The following CHRDL1 variants were observed in gnomAD, a reference collection of about 807,000 sequenced individuals.
CHRDL1 encodes chordin-like protein 1.
A neutral mutation model predicts 40.9 loss-of-function variants in CHRDL1; 19 were observed. That is an observed-to-expected ratio of 0.46 (90% confidence interval 0.32 to 0.68). The LOEUF (loss-of-function observed/expected upper bound fraction) is 0.68, where lower values mean the gene tolerates loss of function less well. CHRDL1 is among the 30% of genes least tolerant of loss of function. CHRDL1 has a pLI of 0.03. For missense variants in CHRDL1, 329 were observed against 352.1 expected (o/e 0.93, Z 0.53); for synonymous variants, 136 against 123.4 (o/e 1.10, Z -0.68).
intron 2 of CHRDL1, among the ~76,000 whole-genome samples, chrX:110,773,723 CAAAA>C (rs1171179610): frequency 3.4e-4 from 12 of 35,365 alleles, no homozygotes; most frequent in African/African-American, 1.1e-3. Context: ...GAGACTGCCT[CAAAA>C]AAAAAAAAAA....
chrX:110,702,907 T>C (rs977640860), intron 6 of CHRDL1, among the ~76,000 whole-genome samples: 4 of 112,355 alleles, frequency 3.6e-5, no homozygotes, highest in Non-Finnish European at 7.5e-5. Flanking sequence ...GCTGGGCACA[T>C]AGTACTTATT....
At chrX:110,793,651 T>G (rs2090137779) in intron 1 of CHRDL1, among the ~76,000 whole-genome samples, 1 of 112,257 alleles carries the variant, frequency 8.9e-6, no homozygotes, top group South Asian at 3.7e-4. Context: ...CTGAGCCTAT[T>G]CTAATAAGTT....
At chrX:110,683,420 C>T (rs2069943352) in intron 9 of CHRDL1, among the ~76,000 whole-genome samples, 1 of 111,858 alleles carries the variant, frequency 8.9e-6, no homozygotes, top group Non-Finnish European at 1.9e-5. Context: ...TTTCCACAGC[C>T]CAAGAGAATG....
chrX:110,752,429 C>T (rs946031996), intron 4 of CHRDL1, among the ~76,000 whole-genome samples: 1 of 111,393 alleles, frequency 9.0e-6, no homozygotes, highest in Admixed American at 9.5e-5. Flanking sequence ...CAAGGACCAA[C>T]AGTATGAGAA....
chrX:110,705,096 C>T (rs968487501), intron 6 of CHRDL1, among the ~76,000 whole-genome samples: 1 of 108,475 alleles, frequency 9.2e-6, no homozygotes, highest in Non-Finnish European at 1.9e-5. Context: ...CACATAGCGC[C>T]TCTTACAAAT....
chrX:110,716,241 C>T (rs1287666199), intron 6 of CHRDL1, among the ~76,000 whole-genome samples: 4 of 110,910 alleles, frequency 3.6e-5, no homozygotes, highest in African/African-American at 1.3e-4. Flanking sequence ...CCATCTACCA[C>T]AGTCAATCAG....
intron 10 of CHRDL1, 145 bp downstream of exon 10, chrX:110,681,337 T>C (rs1288497656): frequency 4.1e-6 from 2 of 484,516 alleles, no homozygotes; most frequent in Non-Finnish European, 7.1e-6. Context: ...ATAATGACAA[T>C]AGTGTTAGAT....
At chrX:110,758,139 A>G (rs749694476) in intron 4 of CHRDL1, among the ~76,000 whole-genome samples, 1 of 110,133 alleles carries the variant, frequency 9.1e-6, no homozygotes, top group Admixed American at 9.7e-5. Flanking sequence ...ACAAAAAAAA[A>G]AAAAACAAAG....
intron 2 of CHRDL1, among the ~76,000 whole-genome samples, chrX:110,789,442 T>G (rs775001885): frequency 8.9e-6 from 1 of 112,158 alleles, no homozygotes; most frequent in African/African-American, 3.2e-5. Flanking sequence ...CTTGAATAAG[T>G]GCCTAAAGAT....
intron 4 of CHRDL1, among the ~76,000 whole-genome samples, chrX:110,748,999 A>T (rs1022430046): frequency 3.6e-5 from 4 of 111,671 alleles, no homozygotes; most frequent in African/African-American, 1.3e-4. Flanking sequence ...ATAATCACAA[A>T]TTAAACAAAA....
chrX:110,736,165 G>A (rs192427060), intron 4 of CHRDL1, among the ~76,000 whole-genome samples: 1 of 112,261 alleles, frequency 8.9e-6, no homozygotes, highest in East Asian at 2.8e-4. Context: ...CAGCTCATCT[G>A]CCATGTCATG....
rs569179409 is a variant in CHRDL1, at chrX:110,704,286, A to G, written c.542-3565T>C. ...GTACCCACACAATTTTAAGAAAATA[A>G]TTAAATTGTAAAAAGTAAACAGTAA... is the stretch of plus-strand genomic sequence containing the variant. On this transcript the variant is annotated intron_variant, in intron 6 of 11. Coordinates refer to ENST00000372042, the MANE Select transcript of CHRDL1 (RefSeq NM_001143981.2). Among the ~76,000 whole-genome samples, 18 of 111,854 alleles carry G rather than the reference A, an allele frequency of 1.6e-4. No individual in the cohort carries two copies. In the South Asian group the frequency reaches 6.4e-3, roughly 40 times the overall value.
intron 2 of CHRDL1, among the ~76,000 whole-genome samples, chrX:110,788,113 C>T (rs977075177): frequency 8.9e-6 from 1 of 112,335 alleles, no homozygotes; most frequent in Non-Finnish European, 1.9e-5. Flanking sequence ...GGACCTTTTC[C>T]CAGCTAAAGA....
intron 4 of CHRDL1, among the ~76,000 whole-genome samples, chrX:110,723,791 A>C (rs2071007089): frequency 8.9e-6 from 1 of 112,587 alleles, no homozygotes; most frequent in African/African-American, 3.2e-5. Flanking sequence ...ACTCAATTCT[A>C]TACTTTGCTA....
chrX:110,757,033 C>T (rs1373514295), intron 4 of CHRDL1, among the ~76,000 whole-genome samples: 1 of 111,444 alleles, frequency 9.0e-6, no homozygotes, highest in East Asian at 2.8e-4. Flanking sequence ...AAACCCAACA[C>T]ATGGCCTAAA....
intron 8 of CHRDL1, among the ~76,000 whole-genome samples, chrX:110,693,177 G>T (rs1019891510): frequency 9.1e-6 from 1 of 109,891 alleles, no homozygotes; most frequent in Non-Finnish European, 1.9e-5. Flanking sequence ...GCAGGGGGCG[G>T]GTGGAGGCCA....
At chrX:110,776,098 C>T (rs761354636) in intron 2 of CHRDL1, among the ~76,000 whole-genome samples, 1 of 112,101 alleles carries the variant, frequency 8.9e-6, no homozygotes, top group African/African-American at 3.2e-5. Context: ...GATATCACTG[C>T]TATTTTTATT....
chrX:110,694,369 C>A (rs1168151589), intron 7 of CHRDL1, 38 bp from the exon 8 acceptor site: 6 of 1,054,997 alleles, frequency 5.7e-6, no homozygotes, highest in Non-Finnish European at 7.9e-6. Context: ...CCAAAAGCCA[C>A]CAATGAGATC....
chrX:110,681,780 C>T (rs1390606434), intron 9 of CHRDL1, 131 bp from the exon 10 acceptor site: 13 of 502,198 alleles, frequency 2.6e-5, no homozygotes, highest in Non-Finnish European at 3.9e-5. Flanking sequence ...GAACATTCTT[C>T]GAGAGACAGA....
Sources: gnomAD v4.1 joint callset for allele counts (sites outside exome capture counted in the v4.1 genomes callset) on GRCh38, gnomAD v4.1.1 for gene constraint, MANE v1.5 for transcripts, NCBI Gene and HGNC (gene_info 2026-07-23, HGNC 2026-07-21) for gene names.